TBC1D19: variants seen among roughly 807,000 people sequenced by gnomAD.
The protein encoded by TBC1D19 is TBC1 domain family member 19.
A neutral mutation model predicts 89.0 loss-of-function variants in TBC1D19; 60 were observed. The observed-to-expected ratio is 0.67, with a 90% CI of 0.55 to 0.84. The LOEUF is 0.84. Among genes scored for constraint, TBC1D19 ranks in the 40% least tolerant of loss-of-function variants. The pLI is 0.00. For synonymous variants in TBC1D19, 189 were observed against 199.7 expected (o/e 0.95, Z 0.45); for missense variants, 500 against 610.8 (o/e 0.82, Z 1.91).
intron 7 of TBC1D19, among the ~76,000 whole-genome samples, chr4:26,642,801 C>T (rs1373076433): frequency 7.1e-6 from 1 of 141,590 alleles, no homozygotes; most frequent in African/African-American, 2.5e-5. Flanking sequence ...ATAAAACAGA[C>T]TTTAAACAAA....
At chr4:26,673,995 C>A (rs934014589) in intron 11 of TBC1D19, 107 bp downstream of exon 11, 17 of 578,904 alleles carry the variant, frequency 2.9e-5, no homozygotes, top group African/African-American at 2.3e-4. Flanking sequence ...CTATTATTAA[C>A]CCCCTTTTTA....
rs774632584 is a variant in TBC1D19, at chr4:26,620,696, A to G, written c.294+8A>G. On this transcript the variant is annotated splice_region_variant and intron_variant, in intron 4 of 20. Transcript: ENST00000264866. ...TACATGAGGAAAGCACAGGTTGGCT[A>G]TTGTTCAATTTCATTTTATTTTTTC... The G allele has an allele frequency of 1.4e-5, 22 of 1,612,154 alleles. No individual in the cohort carries two copies. The highest frequency in any genetic ancestry group is 1.9e-5 in the Non-Finnish European group (22 of 1,179,028).
intron 1 of TBC1D19, among the ~76,000 whole-genome samples, chr4:26,590,018 C>T (rs1739661593): frequency 6.6e-6 from 1 of 152,198 alleles, no homozygotes; most frequent in South Asian, 2.1e-4. Context: ...GTGAATTCCC[C>T]TTGCATTTTG....
chr4:26,736,422 A>AT (rs1323095209), intron 16 of TBC1D19, among the ~76,000 whole-genome samples: 1 of 147,148 alleles, frequency 6.8e-6, no homozygotes, highest in African/African-American at 2.5e-5. Flanking sequence ...GAGGGATAGC[A>AT]TTGGGAGATA....
chr4:26,645,034 G>A (rs1212401776), intron 7 of TBC1D19, among the ~76,000 whole-genome samples: 1 of 152,152 alleles, frequency 6.6e-6, no homozygotes, highest in African/African-American at 2.4e-5. Flanking sequence ...AACATTCCAT[G>A]CTCATGGATA....
At chr4:26,642,192 A>C (rs1243843318) in intron 7 of TBC1D19, among the ~76,000 whole-genome samples, 2 of 152,236 alleles carry the variant, frequency 1.3e-5, no homozygotes, top group Non-Finnish European at 2.9e-5. Context: ...AGGTTGGGTT[A>C]CCCACAAAGG....
the TBC1D19 span, among the ~76,000 whole-genome samples, chr4:26,843,794 C>T: frequency 6.6e-6 from 1 of 152,128 alleles, no homozygotes; most frequent in African/African-American, 2.4e-5. Flanking sequence ...GGCACCAGCA[C>T]CTGCTCAGCT....
chr4:26,724,395 C>T (rs1223493977), intron 15 of TBC1D19, among the ~76,000 whole-genome samples: 1 of 152,036 alleles, frequency 6.6e-6, no homozygotes, highest in Non-Finnish European at 1.5e-5. Flanking sequence ...ACTGTGGTAT[C>T]ACTGGAAATG....
chr4:26,822,578 C>A, the TBC1D19 span, among the ~76,000 whole-genome samples: 1 of 152,126 alleles, frequency 6.6e-6, no homozygotes, highest in African/African-American at 2.4e-5. Context: ...AAAAAGGCTG[C>A]CAGTGGACTA....
intron 18 of TBC1D19, among the ~76,000 whole-genome samples, chr4:26,748,196 T>C (rs1397959077): frequency 6.6e-6 from 1 of 152,194 alleles, no homozygotes; most frequent in African/African-American, 2.4e-5. Context: ...ACCCAGCATG[T>C]GTAATTCTTC....
chr4:26,595,504 T>A (rs1407329912), intron 1 of TBC1D19, among the ~76,000 whole-genome samples: 3 of 152,226 alleles, frequency 2.0e-5, no homozygotes, highest in Non-Finnish European at 2.9e-5. Flanking sequence ...TAAGGTCATC[T>A]AGATTTTCTC....
At chr4:26,774,170 C>T in the TBC1D19 span, among the ~76,000 whole-genome samples, 1 of 152,238 alleles carries the variant, frequency 6.6e-6, no homozygotes, top group African/African-American at 2.4e-5. Flanking sequence ...ACTGATCCAC[C>T]TGATCCTCAA....
chr4:26,697,993 T>C (rs1714961540), intron 13 of TBC1D19, among the ~76,000 whole-genome samples: 1 of 152,160 alleles, frequency 6.6e-6, no homozygotes, highest in African/African-American at 2.4e-5. Context: ...TTCAACATAG[T>C]GTTGGAAGTT....
intron 7 of TBC1D19, among the ~76,000 whole-genome samples, chr4:26,641,107 TC>T (rs1286582096): frequency 6.6e-6 from 1 of 152,196 alleles, no homozygotes; most frequent in African/African-American, 2.4e-5. Context: ...CTCAAGTGGG[TC>T]CCTGACCCCC....
chr4:26,640,092 C>T, intron 6 of TBC1D19, 49 bp from the exon 7 acceptor site: 1 of 1,248,738 alleles, frequency 8.0e-7, no homozygotes. Flanking sequence ...TTTAATAAGC[C>T]TTCATATATT....
chr4:26,709,668 A>T (rs1331929715), intron 13 of TBC1D19, among the ~76,000 whole-genome samples: 1 of 151,978 alleles, frequency 6.6e-6, no homozygotes, highest in Admixed American at 6.6e-5. Flanking sequence ...AGAAGCTGAC[A>T]TTGATCAAAA....
Position 26,637,195 on chromosome 4 carries a change from G to T in TBC1D19, c.295-16G>T, listed in dbSNP as rs780505233. On this transcript the variant is annotated splice_polypyrimidine_tract_variant and intron_variant, in intron 4 of 20. Transcript: ENST00000264866. The stretch of plus-strand genomic sequence containing the variant: ...TTGTTACTGGAAAAGATAATTGATT[G>T]TTTTTTATGTTTCAGGGAAGTTGGG... 2 of 1,566,670 alleles carry T rather than the reference G, an allele frequency of 1.3e-6. No individual in the cohort carries two copies. The highest frequency in any genetic ancestry group is 1.7e-5 in the Admixed American group (1 of 58,160).
At chr4:26,763,668 G>A in the TBC1D19 span, among the ~76,000 whole-genome samples, 2 of 152,182 alleles carry the variant, frequency 1.3e-5, no homozygotes, top group Admixed American at 6.5e-5. Flanking sequence ...CTGTGTCACG[G>A]GCACACGTCC....
chr4:26,721,308 C>G (rs575507633), intron 15 of TBC1D19, among the ~76,000 whole-genome samples: 1 of 151,936 alleles, frequency 6.6e-6, no homozygotes, highest in African/African-American at 2.4e-5. Context: ...AAACAAAAAC[C>G]CACCTATTTC....
Sources: gnomAD v4.1 joint callset for allele counts (sites outside exome capture counted in the v4.1 genomes callset) on GRCh38, gnomAD v4.1.1 for gene constraint, MANE v1.5 for transcripts, NCBI Gene and HGNC (gene_info 2026-07-23, HGNC 2026-07-21) for gene names.